Variants in DPF3 observed in about 807,000 individuals in gnomAD.
The protein encoded by DPF3 is double PHD fingers 3.
DPF3 carries 18 observed loss-of-function variants against 56.8 expected under a neutral mutation model. The ratio of observed to expected loss-of-function variants is 0.32; its 90% confidence interval spans 0.22 to 0.47. DPF3 has a LOEUF of 0.47. Among genes scored for constraint, DPF3 ranks in the 20% least tolerant of loss-of-function variants. The pLI, the probability that DPF3 is intolerant of heterozygous loss-of-function variation, is 1.00. For synonymous variants in DPF3, 188 were observed against 180.2 expected (o/e 1.04, Z -0.35); for missense variants, 403 against 488.8 (o/e 0.82, Z 1.65).
intron 1 of DPF3, among the ~76,000 whole-genome samples, chr14:72,795,277 CAAAAAAAAAA>C (rs578053636): frequency 1.8e-5 from 2 of 109,540 alleles, no homozygotes; most frequent in African/African-American, 3.5e-5. Context: ...CTCTTTTTGA[CAAAAAAAAAA>C]AAAAAAAAAT....
chr14:72,631,648 C>T (rs946992938), intron 8 of DPF3, among the ~76,000 whole-genome samples: 6 of 152,214 alleles, frequency 3.9e-5, no homozygotes, highest in Non-Finnish European at 8.8e-5. Context: ...TATTCATTAA[C>T]TTACGAAGTA....
At position 72,616,551 on chromosome 14, in the gene DPF3, G is replaced by A. The variant is rs1001251633; in HGVS notation, c.*2746C>T. 1.3e-5 allele frequency among the ~76,000 whole-genome samples: 2 copies of A among 152,202 alleles called. No homozygotes were observed. The highest frequency in any genetic ancestry group is 1.3e-4 in the Admixed American group (2 of 15,288). ...AACATCCGGAGTTCTTCCCAGACAA[G>A]CATGGCTCTGCAGTGCTTGTTTATG... On this transcript the variant is annotated 3_prime_UTR_variant, in exon 11 of 11. Coordinates refer to ENST00000556509, the MANE Select transcript of DPF3 (RefSeq NM_001280542.3).
intron 2 of DPF3, among the ~76,000 whole-genome samples, chr14:72,764,484 G>GTTTTTTTTTTTTTTT (rs57886183): frequency 1.9e-5 from 1 of 52,770 alleles, no homozygotes; most frequent in African/African-American, 7.8e-5. Flanking sequence ...TTCCTGAGTT[G>GTTTTTTTTTTTTTTT]TTTTTTTTTT....
chr14:72,701,502 G>A (rs1327109271), intron 6 of DPF3, among the ~76,000 whole-genome samples: 1 of 152,148 alleles, frequency 6.6e-6, no homozygotes, highest in Non-Finnish European at 1.5e-5. Context: ...TTTACTGCAC[G>A]CCCCCTGCCC....
intron 1 of DPF3, among the ~76,000 whole-genome samples, chr14:72,845,044 G>T (rs1224690391): frequency 1.3e-5 from 2 of 152,180 alleles, no homozygotes; most frequent in African/African-American, 4.8e-5. Context: ...ATTGGAGGCT[G>T]CAGTGAGCTA....
chr14:72,680,781 G>A (rs1420698403), intron 7 of DPF3, among the ~76,000 whole-genome samples: 2 of 152,360 alleles, frequency 1.3e-5, no homozygotes, highest in East Asian at 3.9e-4. Flanking sequence ...CAGAGGGCGG[G>A]CTTCTCTGGA....
At chr14:72,756,869 A>AAAGAAAGAAAGGAAGG (rs1555503988) in intron 2 of DPF3, among the ~76,000 whole-genome samples, 30 of 95,684 alleles carry the variant, frequency 3.1e-4, no homozygotes, top group Middle Eastern at 5.3e-3. Context: ...AGAAAGAAAG[A>AAAGAAAGAAAGGAAGG]AAGGAAGGAA....
intron 1 of DPF3, among the ~76,000 whole-genome samples, chr14:72,829,279 G>A (rs531310500): frequency 3.3e-5 from 5 of 152,166 alleles, no homozygotes; most frequent in Admixed American, 3.3e-4. Context: ...ACAATATGTG[G>A]TCAATAAATA....
At chr14:72,664,526 G>T (rs1294262910) in intron 8 of DPF3, among the ~76,000 whole-genome samples, 1 of 151,932 alleles carries the variant, frequency 6.6e-6, no homozygotes, top group Non-Finnish European at 1.5e-5. Flanking sequence ...CTGCAAGAAG[G>T]CATAGTTTTC....
chr14:72,855,383 T>C (rs903895721), intron 1 of DPF3, among the ~76,000 whole-genome samples: 4 of 152,216 alleles, frequency 2.6e-5, no homozygotes, highest in African/African-American at 9.6e-5. Context: ...CCTGGAGAGA[T>C]AGTAGCCCAT....
intron 8 of DPF3, chr14:72,670,128 T>C: frequency 1.0e-6 from 1 of 985,730 alleles, no homozygotes; most frequent in Non-Finnish European, 1.2e-6. Context: ...AGAAATACGG[T>C]AGCCTTGATC....
chr14:72,665,017 G>C (rs528297645), intron 8 of DPF3, among the ~76,000 whole-genome samples: 1 of 152,156 alleles, frequency 6.6e-6, no homozygotes, highest in Admixed American at 6.5e-5. Flanking sequence ...TCCCAGCTTT[G>C]CTTTTTGTTC....
chr14:72,858,054 C>G (rs1332534161), intron 1 of DPF3, among the ~76,000 whole-genome samples: 1 of 151,894 alleles, frequency 6.6e-6, no homozygotes, highest in East Asian at 1.9e-4. Context: ...CCTGTAATCC[C>G]AGGACTTTGG....
chr14:72,846,080 TTA>T (rs1454582606), intron 1 of DPF3, among the ~76,000 whole-genome samples: 2 of 37,880 alleles, frequency 5.3e-5, no homozygotes, highest in Non-Finnish European at 1.0e-4. Flanking sequence ...ATTTTACTGT[TTA>T]TTTTATTTTA....
intron 3 of DPF3, among the ~76,000 whole-genome samples, chr14:72,740,866 G>A (rs192415719): frequency 1.5e-3 from 225 of 152,206 alleles, no homozygotes; most frequent in African/African-American, 5.2e-3. Flanking sequence ...TGGGTCCCAC[G>A]GCCAAGTTCT....
intron 8 of DPF3, chr14:72,671,096 A>AG: frequency 2.5e-6 from 4 of 1,608,498 alleles, no homozygotes; most frequent in Non-Finnish European, 3.4e-6. Flanking sequence ...CCAAAGTCAG[A>AG]GGGGGATGGC....
intron 1 of DPF3, among the ~76,000 whole-genome samples, chr14:72,792,721 GT>G (rs1892491637): frequency 6.6e-6 from 1 of 152,152 alleles, no homozygotes; most frequent in Middle Eastern, 3.4e-3. Flanking sequence ...CCCATCTGCT[GT>G]GTCTCGATGG....
intron 1 of DPF3, among the ~76,000 whole-genome samples, chr14:72,800,424 G>A (rs556677819): frequency 2.0e-5 from 3 of 150,960 alleles, no homozygotes; most frequent in East Asian, 2.0e-4. Flanking sequence ...ATGGATGGAC[G>A]GACACATGGA....
chr14:72,655,085 G>A (rs1599331051), intron 8 of DPF3, among the ~76,000 whole-genome samples: 2 of 152,218 alleles, frequency 1.3e-5, no homozygotes, highest in East Asian at 3.9e-4. Flanking sequence ...TCTTACATAA[G>A]TTGTCTCCAT....
Sources: gnomAD v4.1 joint callset for allele counts (sites outside exome capture counted in the v4.1 genomes callset) on GRCh38, gnomAD v4.1.1 for gene constraint, MANE v1.5 for transcripts, NCBI Gene and HGNC (gene_info 2026-07-23, HGNC 2026-07-21) for gene names.